The following LNX2 variants were observed in gnomAD, a reference collection of about 807,000 sequenced individuals.
The protein encoded by LNX2 is ligand of numb-protein X 2, also known as ligand of Numb protein X 2.
In LNX2, 35 loss-of-function variants were observed where a neutral mutation model predicts 66.2. The ratio of observed to expected loss-of-function variants is 0.53; its 90% confidence interval spans 0.40 to 0.70. The LOEUF (loss-of-function observed/expected upper bound fraction) is 0.70, where lower values mean the gene tolerates loss of function less well. LNX2 is among the 30% of genes least tolerant of loss of function. LNX2 has a pLI of 0.00. For missense variants in LNX2, 791 were observed against 850.8 expected (o/e 0.93, Z 0.87); for synonymous variants, 337 against 315.6 (o/e 1.07, Z -0.72).
intron 1 of LNX2, among the ~76,000 whole-genome samples, chr13:27,590,506 G>T (rs1955535941): frequency 6.6e-6 from 1 of 152,102 alleles, no homozygotes; most frequent in African/African-American, 2.4e-5. Context: ...TGGGGTTACA[G>T]GCGTCAGCCA....
chr13:27,620,502 C>T lies in LNX2; in HGVS notation c.-228G>A. The T allele has an allele frequency of 5.9e-6, 1 of 169,160 alleles. No homozygotes were observed. The highest frequency in any genetic ancestry group is 1.2e-5 in the Non-Finnish European group (1 of 84,432). 10.5% of individuals were successfully genotyped at this position (169,160 alleles called of 1,614,324 possible). The stretch of plus-strand genomic sequence containing the variant: ...GGCTCCGCTCCGCCAGGAATCGCCG[C>T]CGCCGCCGCCGCCGCCGCGGATTTC... On this transcript the variant is annotated 5_prime_UTR_variant, in exon 1 of 10. Transcript: ENST00000316334.
At chr13:27,587,893 T>C (rs944038781) in intron 1 of LNX2, among the ~76,000 whole-genome samples, 4 of 151,744 alleles carry the variant, frequency 2.6e-5, no homozygotes, top group Admixed American at 6.6e-5. Flanking sequence ...TGGTGGCGAG[T>C]GCCTGTAGTC....
intron 1 of LNX2, among the ~76,000 whole-genome samples, chr13:27,619,810 A>G (rs1041862185): frequency 1.1e-4 from 17 of 152,212 alleles, no homozygotes; most frequent in African/African-American, 4.1e-4. Flanking sequence ...ATCAAGATTC[A>G]TATTTTTAAA....
chr13:27,613,558 G>A (rs1244570632), intron 1 of LNX2, among the ~76,000 whole-genome samples: 4 of 152,134 alleles, frequency 2.6e-5, no homozygotes, highest in African/African-American at 9.7e-5. Context: ...AATCACCTGA[G>A]GTAAGGAGTT....
intron 1 of LNX2, among the ~76,000 whole-genome samples, chr13:27,618,811 ATTTATT>A (rs2138500542): frequency 6.6e-6 from 1 of 152,328 alleles, no homozygotes; most frequent in East Asian, 1.9e-4. Flanking sequence ...AGACACATAC[ATTTATT>A]TTTAAGTGGC....
At chr13:27,550,303 A>G (rs757762977) in intron 9 of LNX2, 30 bp downstream of exon 9, 4 of 1,593,800 alleles carry the variant, frequency 2.5e-6, no homozygotes, top group Non-Finnish European at 3.4e-6. Context: ...CATCAACATG[A>G]ATCACATCAT....
At chr13:27,594,543 T>C (rs1017572481) in intron 1 of LNX2, among the ~76,000 whole-genome samples, 13 of 152,310 alleles carry the variant, frequency 8.5e-5, no homozygotes, top group East Asian at 1.9e-4. Flanking sequence ...TATAGTTCAT[T>C]TGTATAATAA....
chr13:27,577,644 GA>G (rs1264641228), intron 2 of LNX2, among the ~76,000 whole-genome samples: 34 of 152,224 alleles, frequency 2.2e-4, no homozygotes, highest in African/African-American at 7.0e-4. Context: ...TCATGAACAA[GA>G]AAAGTTCTCA....
intron 1 of LNX2, among the ~76,000 whole-genome samples, chr13:27,590,542 T>C (rs1378095696): frequency 1.3e-5 from 2 of 151,980 alleles, no homozygotes; most frequent in Non-Finnish European, 2.9e-5. Context: ...TTTTTTTTTT[T>C]AAGGCAAGCA....
In LNX2 at chr13:27,547,596, C is replaced by G. The variant is rs888169925; in HGVS notation, c.*739G>C. 1 of 152,260 alleles carries G rather than the reference C, an allele frequency of 6.6e-6. No homozygotes were observed. Among genetic ancestry groups the G allele is most frequent in the African/African-American group, 2.4e-5 (1 of 41,440 alleles). The allele number at this position is 152,260 out of a possible 1,614,324, so 9.4% of individuals were successfully genotyped here. A position where few individuals can be genotyped will look rare whatever the true frequency, so the allele number is the denominator to read the frequency against. On this transcript the variant is annotated 3_prime_UTR_variant, in exon 10 of 10. Transcript: ENST00000316334. Reference sequence around the variant, plus strand: ...GAACGGCCGGGTGCGGCAGCTCACACCTGTAATCCCAGCACTTTGGGAGGC... The same window carrying G: ...GAACGGCCGGGTGCGGCAGCTCACAGCTGTAATCCCAGCACTTTGGGAGGC...
At chr13:27,597,261 G>A (rs1382109802) in intron 1 of LNX2, among the ~76,000 whole-genome samples, 1 of 152,160 alleles carries the variant, frequency 6.6e-6, no homozygotes, top group African/African-American at 2.4e-5. Context: ...TATAGGAGAG[G>A]CAGACATCCA....
chr13:27,590,169 CAT>C (rs1278733503), intron 1 of LNX2, among the ~76,000 whole-genome samples: 10 of 152,118 alleles, frequency 6.6e-5, no homozygotes, highest in Admixed American at 1.3e-4. Flanking sequence ...CCAGGTTTCA[CAT>C]GTTAGCCAAA....
In LNX2 at chr13:27,547,001, T is replaced by C. The variant is rs1954947657; in HGVS notation, c.*1334A>G. The C allele has an allele frequency of 6.6e-6, 1 of 152,132 alleles. No homozygotes were observed. The highest frequency in any genetic ancestry group is 1.5e-5 in the Non-Finnish European group (1 of 68,008). 9.4% of individuals were successfully genotyped at this position (152,132 alleles called of 1,614,324 possible). A position where few individuals can be genotyped will look rare whatever the true frequency, so the allele number is the denominator to read the frequency against. ...TACATTTCCAACAAAACAGAACTTT[T>C]CTGTCTCCTACTTGAAACAACTAAT... On this transcript the variant is annotated 3_prime_UTR_variant, in exon 10 of 10. Transcript: ENST00000316334.
chr13:27,553,293 C>A lies in LNX2; in HGVS notation c.1693G>T (p.Ala565Ser), dbSNP rs1368721840. ...CTGAAAGTACTCGGCTGCTCCTCCG[C>A]GTTCTGAGTCGCCTCCTCAACAATC... is the stretch of plus-strand genomic sequence containing the variant. Reference protein sequence around the residue: ...VQIVEEATQNAEEQPSTFSEN... With the variant: ...VQIVEEATQNSEEQPSTFSEN... Residue 565 changes from alanine to serine, a missense_variant, in exon 8 of 10, where the codon GCG (alanine) becomes TCG (serine). Physicochemically the swap from Ala to Ser is moderately conservative, Grantham distance 99. Coordinates refer to ENST00000316334, the MANE Select transcript of LNX2 (RefSeq NM_153371.4). 1.9e-6 allele frequency: 3 copies of A among 1,614,192 alleles called. No individual in the cohort carries two copies. In the Admixed American group the frequency reaches 5.0e-5, roughly 27 times the overall value.
Position 27,550,416 on chromosome 13 carries a change from TCCACCAACGATA to T in LNX2, c.1842_1853del (p.Ser614_Gly618delinsArg). 6.2e-7 allele frequency: 1 copy of T among 1,613,762 alleles called. No individual in the cohort carries two copies. On this transcript the variant is annotated inframe_deletion, in exon 9 of 10. Transcript: ENST00000316334. ...GCTGATTGGTGTGGTTCTCTTCATA[TCCACCAACGATA>T]CTAAAGCCCCAACTTCCCAAGTAAC... is the stretch of plus-strand genomic sequence containing the variant.
At position 27,560,565 on chromosome 13, in the gene LNX2, G is replaced by GTGTGTATGTGTATATATA. The variant is rs35007288; in HGVS notation, c.1225-581_1225-580insTATATATACACATACACA. Reference sequence around the variant, plus strand: ...ATAACAAGACTTTATATGTATGTGTGTATATATATATATATATATAGCATA... The same window carrying GTGTGTATGTGTATATATA: ...ATAACAAGACTTTATATGTATGTGTGTGTGTATGTGTATATATATATATATATATATATATATAGCATA... On this transcript the variant is annotated intron_variant, in intron 5 of 9. Transcript: ENST00000316334. 4.7e-4 allele frequency among the ~76,000 whole-genome samples: 57 copies of GTGTGTATGTGTATATATA among 120,014 alleles called. 2 individuals carry two copies. Among genetic ancestry groups the GTGTGTATGTGTATATATA allele is most frequent in the Middle Eastern group, 4.8e-3 (1 of 210 alleles). 78.7% of individuals were successfully genotyped at this position (120,014 alleles called of 152,430 possible).
intron 1 of LNX2, among the ~76,000 whole-genome samples, chr13:27,617,537 C>G (rs756683985): frequency 6.6e-6 from 1 of 152,148 alleles, no homozygotes; most frequent in East Asian, 1.9e-4. Context: ...TTACAAGAGC[C>G]TGGAGTCCTC....
intron 2 of LNX2, among the ~76,000 whole-genome samples, chr13:27,577,907 T>C (rs1233751541): frequency 6.6e-6 from 1 of 152,132 alleles, no homozygotes; most frequent in African/African-American, 2.4e-5. Context: ...CTTGGCAGAA[T>C]TTCAAAGAAA....
intron 1 of LNX2, among the ~76,000 whole-genome samples, chr13:27,603,682 T>G (rs942477047): frequency 3.3e-5 from 5 of 152,180 alleles, no homozygotes; most frequent in Non-Finnish European, 5.9e-5. Context: ...GTCTCTTACC[T>G]GTCAAGGGGC....
Sources: allele counts gnomAD v4.1 joint callset (sites outside exome capture counted in the v4.1 genomes callset), GRCh38; gene constraint gnomAD v4.1.1; transcripts MANE v1.5; gene names NCBI Gene and HGNC (gene_info 2026-07-23, HGNC 2026-07-21).